Variants in KSR2 observed in about 807,000 individuals in gnomAD.
KSR2 encodes kinase suppressor of ras 2.
A neutral mutation model predicts 107.8 loss-of-function variants in KSR2; 25 were observed. That is an observed-to-expected ratio of 0.23 (90% CI 0.17 to 0.32). KSR2 has a LOEUF of 0.32. Among genes scored for constraint, KSR2 ranks in the 10% least tolerant of loss-of-function variants. KSR2 has a pLI of 1.00. For missense variants in KSR2, 887 were observed against 1,268.9 expected, an observed-to-expected ratio of 0.70 and a Z score of 4.57; for synonymous variants, 480 against 507.0, an observed-to-expected ratio of 0.95 and a Z score of 0.71.
At chr12:117,744,812 C>T (rs1030899669) in intron 4 of KSR2, among the ~76,000 whole-genome samples, 6 of 152,202 alleles carry the variant, frequency 3.9e-5, no homozygotes, top group Non-Finnish European at 8.8e-5. Flanking sequence ...GGGGTTCTAT[C>T]AGATCCTTTC....
intron 1 of KSR2, among the ~76,000 whole-genome samples, chr12:117,941,391 A>C (rs1011328319): frequency 4.6e-5 from 7 of 152,070 alleles, no homozygotes; most frequent in Non-Finnish European, 1.0e-4. Flanking sequence ...ATCATCTTAA[A>C]TTAGTCTTCC....
At chr12:117,618,187 C>T (rs1281743761) in intron 5 of KSR2, among the ~76,000 whole-genome samples, 1 of 152,144 alleles carries the variant, frequency 6.6e-6, no homozygotes, top group Non-Finnish European at 1.5e-5. Flanking sequence ...GAAAATAACA[C>T]TAATTCAATC....
chr12:117,652,769 T>C (rs1403382653), intron 5 of KSR2, among the ~76,000 whole-genome samples: 6 of 152,172 alleles, frequency 3.9e-5, no homozygotes, highest in African/African-American at 7.2e-5. Flanking sequence ...AAAACATCAC[T>C]GTGGTCCTCC....
intron 12 of KSR2, among the ~76,000 whole-genome samples, chr12:117,527,352 C>CACACACACACACACACACACAG (rs1565884977): frequency 6.9e-6 from 1 of 144,286 alleles, no homozygotes; most frequent in African/African-American, 2.7e-5. Context: ...CACACAGACA[C>CACACACACACACACACACACAG]ACACACACAC....
At chr12:117,915,430 T>A (rs1895145138) in intron 1 of KSR2, among the ~76,000 whole-genome samples, 1 of 152,224 alleles carries the variant, frequency 6.6e-6, no homozygotes, top group Admixed American at 6.5e-5. Flanking sequence ...ATATGTAAAT[T>A]TTGGGAAGAC....
chr12:117,513,719 C>A (rs1470900830), intron 14 of KSR2, among the ~76,000 whole-genome samples: 6 of 152,126 alleles, frequency 3.9e-5, no homozygotes, highest in African/African-American at 7.2e-5. Flanking sequence ...GACTCAGGCA[C>A]GGCTAGAAAG....
At chr12:117,673,230 G>A (rs889389580) in intron 4 of KSR2, among the ~76,000 whole-genome samples, 1 of 151,982 alleles carries the variant, frequency 6.6e-6, no homozygotes, top group Non-Finnish European at 1.5e-5. Context: ...AAAGATGGAT[G>A]GATAAAAGAA....
chr12:117,513,758 C>G (rs1874186195), intron 14 of KSR2, among the ~76,000 whole-genome samples: 1 of 152,192 alleles, frequency 6.6e-6, no homozygotes, highest in African/African-American at 2.4e-5. Flanking sequence ...TGGATGGATA[C>G]AAGCTTCAGT....
chr12:117,885,062 C>T (rs1326905638), intron 1 of KSR2, among the ~76,000 whole-genome samples: 2 of 152,250 alleles, frequency 1.3e-5, no homozygotes, highest in African/African-American at 2.4e-5. Context: ...CTTCACCCAC[C>T]GGGGCCTCAG....
intron 8 of KSR2, among the ~76,000 whole-genome samples, chr12:117,558,209 A>T (rs1163140696): frequency 6.6e-6 from 1 of 152,192 alleles, no homozygotes; most frequent in Non-Finnish European, 1.5e-5. Context: ...TGGTAAACAG[A>T]AGAGGCTAGA....
intron 5 of KSR2, among the ~76,000 whole-genome samples, chr12:117,616,267 G>GA (rs1234212193): frequency 6.6e-6 from 1 of 151,892 alleles, no homozygotes; most frequent in Admixed American, 6.6e-5. Flanking sequence ...AATCAATTTG[G>GA]AAAAAAAGAG....
chr12:117,479,084 C>G (rs1871986850), intron 16 of KSR2, among the ~76,000 whole-genome samples: 1 of 152,234 alleles, frequency 6.6e-6, no homozygotes, highest in Non-Finnish European at 1.5e-5. Context: ...GTGACATTCA[C>G]TAGCTGGGTA....
chr12:117,839,654 C>G (rs980720894), intron 3 of KSR2, among the ~76,000 whole-genome samples: 4 of 152,152 alleles, frequency 2.6e-5, no homozygotes, highest in Non-Finnish European at 5.9e-5. Flanking sequence ...TGCCCAATGA[C>G]TATGGCCGAA....
chr12:117,776,617 TA>T (rs954668760), intron 3 of KSR2, among the ~76,000 whole-genome samples: 3 of 152,074 alleles, frequency 2.0e-5, no homozygotes, highest in Admixed American at 1.3e-4. Flanking sequence ...GTCATGGATA[TA>T]AACCTTGATG....
At chr12:117,920,843 C>T (rs558415414) in intron 1 of KSR2, among the ~76,000 whole-genome samples, 11 of 152,224 alleles carry the variant, frequency 7.2e-5, no homozygotes, top group African/African-American at 2.4e-4. Flanking sequence ...GAATTTGGCA[C>T]CCACCTGGCT....
chr12:117,540,069 C>A (rs1876370271), intron 9 of KSR2, among the ~76,000 whole-genome samples, 182 bp from the exon 10 acceptor site: 1 of 152,098 alleles, frequency 6.6e-6, no homozygotes, highest in South Asian at 2.1e-4. Context: ...CTGCATCCAG[C>A]TGTGGAAGGA....
At chr12:117,804,268 C>G (rs1890936898) in intron 3 of KSR2, among the ~76,000 whole-genome samples, 1 of 152,214 alleles carries the variant, frequency 6.6e-6, no homozygotes, top group African/African-American at 2.4e-5. Flanking sequence ...GTCTTGAACT[C>G]CTGATCTCAG....
rs146852800 is a variant in KSR2 at position 117,761,715 on chromosome 12, C to T, written c.473-191G>A. On this transcript the variant is annotated intron_variant, in intron 3 of 19. Coordinates refer to ENST00000339824, the MANE Select transcript of KSR2 (RefSeq NM_173598.6). The stretch of plus-strand genomic sequence containing the variant: ...CAAATTATATCTTATGCACATTATA[C>T]CATGTGCCCATTACATCATATGCAT... 3.7e-4 allele frequency among the ~76,000 whole-genome samples: 57 copies of T among 152,264 alleles called. No individual in the cohort carries two copies. In the East Asian group the frequency reaches 0.01, roughly 27 times the overall value.
Position 117,527,124 on chromosome 12 carries a change from A to G in KSR2, c.1803-5T>C. On this transcript the variant is annotated splice_polypyrimidine_tract_variant and splice_region_variant and intron_variant, in intron 12 of 19. Transcript: ENST00000339824. ...AGTAATGGATTTCCTTCCAAGCTGT[A>G]AAGAAAGAAAAATAAACGTGATCCC... 1 of 1,611,052 alleles carries G rather than the reference A, an allele frequency of 6.2e-7. No individual in the cohort carries two copies. The highest frequency in any genetic ancestry group is 8.5e-7 in the Non-Finnish European group (1 of 1,177,278).
Sources: gnomAD v4.1 joint callset for allele counts (sites outside exome capture counted in the v4.1 genomes callset) on GRCh38, gnomAD v4.1.1 for gene constraint, MANE v1.5 for transcripts, NCBI Gene and HGNC (gene_info 2026-07-23, HGNC 2026-07-21) for gene names.